The following GRIN2B variants were observed in gnomAD, a reference collection of about 807,000 sequenced individuals.
GRIN2B encodes the protein glutamate ionotropic receptor NMDA type subunit 2B.
A neutral mutation model predicts 114.5 loss-of-function variants in GRIN2B; 5 were observed. The observed-to-expected ratio is 0.04, with a 90% CI of 0.02 to 0.09. The LOEUF (loss-of-function observed/expected upper bound fraction) is 0.09. Ranked by LOEUF, GRIN2B falls within the 10% of genes least tolerant of loss-of-function variation. GRIN2B has a pLI of 1.00. For missense variants in GRIN2B, 1,108 were observed against 1,943.5 expected (o/e 0.57, Z 8.08); for synonymous variants, 787 against 745.1 (o/e 1.06, Z -0.92).
At chr12:13,633,668 T>C (rs1021446109) in intron 5 of GRIN2B, among the ~76,000 whole-genome samples, 1 of 152,298 alleles carries the variant, frequency 6.6e-6, no homozygotes, top group South Asian at 2.1e-4. Context: ...CTTGAAAAAG[T>C]TTCATTTGCT....
At chr12:13,630,469 C>T (rs922038581) in intron 5 of GRIN2B, among the ~76,000 whole-genome samples, 3 of 152,124 alleles carry the variant, frequency 2.0e-5, no homozygotes, top group Non-Finnish European at 2.9e-5. Flanking sequence ...AATAGGATAT[C>T]GAAAAATGTG....
intron 5 of GRIN2B, among the ~76,000 whole-genome samples, chr12:13,673,970 G>C (rs1225674564): frequency 6.6e-6 from 1 of 152,082 alleles, no homozygotes; most frequent in Non-Finnish European, 1.5e-5. Flanking sequence ...TACAGCAGCA[G>C]TGAAAGCAGC....
chr12:13,577,429 G>C (rs892218429), intron 10 of GRIN2B, among the ~76,000 whole-genome samples: 1 of 152,192 alleles, frequency 6.6e-6, no homozygotes, highest in African/African-American at 2.4e-5. Flanking sequence ...AGCCATGCAA[G>C]GAGAAAGGTG....
At chr12:13,673,252 T>C (rs1950039953) in intron 5 of GRIN2B, among the ~76,000 whole-genome samples, 1 of 152,110 alleles carries the variant, frequency 6.6e-6, no homozygotes, top group Non-Finnish European at 1.5e-5. Flanking sequence ...GGAAGACACA[T>C]CATGACATGT....
chr12:13,655,430 G>C (rs528152050), intron 5 of GRIN2B, among the ~76,000 whole-genome samples: 1 of 152,304 alleles, frequency 6.6e-6, no homozygotes, highest in African/African-American at 2.4e-5. Context: ...TTTTACAGCG[G>C]TAAGAATTGA....
intron 3 of GRIN2B, among the ~76,000 whole-genome samples, chr12:13,760,125 G>C (rs1863651863): frequency 1.3e-5 from 2 of 152,122 alleles, no homozygotes; most frequent in Admixed American, 1.3e-4. Context: ...GTCCAGCTTT[G>C]CTTTTTCTTT....
At chr12:13,762,605 T>A (rs1473428701) in intron 3 of GRIN2B, among the ~76,000 whole-genome samples, 1 of 152,250 alleles carries the variant, frequency 6.6e-6, no homozygotes, top group Non-Finnish European at 1.5e-5. Context: ...GCATTTTATA[T>A]TTGATTAAGC....
At chr12:13,810,664 T>C (rs1036611578) in intron 3 of GRIN2B, among the ~76,000 whole-genome samples, 1 of 152,244 alleles carries the variant, frequency 6.6e-6, no homozygotes, top group Non-Finnish European at 1.5e-5. Flanking sequence ...TCTATGTCTA[T>C]ATCCCACTCC....
At chr12:13,938,055 T>C (rs1216412994) in intron 2 of GRIN2B, among the ~76,000 whole-genome samples, 1 of 152,014 alleles carries the variant, frequency 6.6e-6, no homozygotes, top group Non-Finnish European at 1.5e-5. Flanking sequence ...ACTAAAAAGA[T>C]ACTAAGTAGA....
rs942902596 is a variant in GRIN2B, at chr12:13,546,480, T to A, written c.*16303A>T. 1 of 152,198 alleles carries A rather than the reference T, an allele frequency of 6.6e-6. No individual in the cohort carries two copies. The highest frequency in any genetic ancestry group is 6.5e-5 in the Admixed American group (1 of 15,272). 9.4% of individuals were successfully genotyped at this position (152,198 alleles called of 1,614,324 possible). On this transcript the variant is annotated 3_prime_UTR_variant, in exon 14 of 14. Coordinates refer to ENST00000609686, the MANE Select transcript of GRIN2B (RefSeq NM_000834.5). ...ATACACCAGAGCATCTGGATGTGGGTGTCATCGTCTCTTCACCACCAAACC... is the reference window on the plus strand; with the variant it reads ...ATACACCAGAGCATCTGGATGTGGGAGTCATCGTCTCTTCACCACCAAACC...
At position 13,731,495 on chromosome 12, in the gene GRIN2B, G is replaced by T. The variant is rs550278185; in HGVS notation, c.1010+21822C>A. Among the ~76,000 whole-genome samples the T allele has an allele frequency of 1.6e-4, 25 of 152,232 alleles. No individual in the cohort carries two copies. The East Asian group carries it at 4.4e-3, about 27-fold the overall frequency. ...GGGCACCTGTAGTCCCAGCTACTTG[G>T]GAGGCTGAGGCAGGAGAATGGCATG... On this transcript the variant is annotated intron_variant, in intron 4 of 13. Coordinates refer to ENST00000609686, the MANE Select transcript of GRIN2B (RefSeq NM_000834.5).
chr12:13,866,289 A>G, intron 2 of GRIN2B, 63 bp from the exon 3 acceptor site: 1 of 1,433,944 alleles, frequency 7.0e-7, no homozygotes, highest in Non-Finnish European at 9.6e-7. Flanking sequence ...GTCTTAGAAG[A>G]GGCTAGATAC....
At chr12:13,705,041 A>G (rs1362368140) in intron 4 of GRIN2B, among the ~76,000 whole-genome samples, 1 of 151,416 alleles carries the variant, frequency 6.6e-6, no homozygotes, top group Non-Finnish European at 1.5e-5. Flanking sequence ...TCATATAAGC[A>G]TACCTGGATT....
intron 3 of GRIN2B, among the ~76,000 whole-genome samples, chr12:13,855,049 GA>G (rs3082840): frequency 0.096 from 8,412 of 87,928 alleles, 377 homozygotes; most frequent in Admixed American, 0.12. Context: ...CATCTCTACT[GA>G]AAAAAAAAAA....
intron 5 of GRIN2B, among the ~76,000 whole-genome samples, 164 bp downstream of exon 5, chr12:13,675,581 T>C (rs1163757956): frequency 6.6e-6 from 1 of 152,136 alleles, no homozygotes; most frequent in Non-Finnish European, 1.5e-5. Context: ...AGCAAGTAAA[T>C]GAACATGCAA....
Position 13,562,834 on chromosome 12 carries a change from G to A in GRIN2B, c.4404C>T (p.Ser1468=), listed in dbSNP as rs756658425. 9 of 1,614,136 alleles carry A rather than the reference G, an allele frequency of 5.6e-6. No homozygotes were observed. The highest frequency in any genetic ancestry group is 7.6e-6 in the Non-Finnish European group (9 of 1,179,984). Residue 1468 remains serine (S), a synonymous_variant, in exon 14 of 14, where the codon TCC becomes TCT. Transcript: ENST00000609686. ...NNKNPRAFNG[S]SNGHVYEKLS... is the part of the protein sequence containing the mutation. ...GTTTCTCATAAACATGCCCATTGCT[G>A]GAGCCATTGAAAGCCCTGGGGTTTT... is the stretch of plus-strand genomic sequence containing the variant.
At chr12:13,813,751 A>G (rs1386202454) in intron 3 of GRIN2B, among the ~76,000 whole-genome samples, 1 of 152,184 alleles carries the variant, frequency 6.6e-6, no homozygotes, top group Non-Finnish European at 1.5e-5. Flanking sequence ...AGTAGTGAAC[A>G]ATTTTGAATT....
Position 13,816,960 on chromosome 12 carries a change from A to G in GRIN2B, c.411+48838T>C, listed in dbSNP as rs140410521. 2.2e-4 allele frequency among the ~76,000 whole-genome samples: 33 copies of G among 152,306 alleles called. No homozygotes were observed. The East Asian group carries it at 5.2e-3, about 24-fold the overall frequency. Reference sequence around the variant, plus strand: ...TTAAAGAGATGGGCCTACTAATCCCATGCATTGGGTTCTTTTATTTTCTTT... The same window carrying G: ...TTAAAGAGATGGGCCTACTAATCCCGTGCATTGGGTTCTTTTATTTTCTTT... On this transcript the variant is annotated intron_variant, in intron 3 of 13. Transcript: ENST00000609686.
At chr12:13,950,508 C>T (rs542965924) in intron 2 of GRIN2B, among the ~76,000 whole-genome samples, 6 of 152,278 alleles carry the variant, frequency 3.9e-5, no homozygotes, top group African/African-American at 1.4e-4. Context: ...TAAGTGAGAA[C>T]ATACATGGAA....
Sources: allele counts gnomAD v4.1 joint callset (sites outside exome capture counted in the v4.1 genomes callset), GRCh38; gene constraint gnomAD v4.1.1; transcripts MANE v1.5; gene names NCBI Gene and HGNC (gene_info 2026-07-23, HGNC 2026-07-21).